MICAL3: variants seen among roughly 807,000 people sequenced by gnomAD.
The protein encoded by MICAL3 is microtubule associated monooxygenase, calponin and LIM domain containing 3.
A neutral mutation model predicts 207.4 loss-of-function variants in MICAL3; 62 were observed. The ratio of observed to expected loss-of-function variants is 0.30; its 90% CI spans 0.24 to 0.37. The LOEUF is 0.37. Among genes scored for constraint, MICAL3 ranks in the 10% least tolerant of loss-of-function variants. The probability of loss-of-function intolerance (pLI) is 1.00; values close to 1 mark genes in which losing one functional copy is unlikely to be tolerated. For missense variants in MICAL3, 2,368 were observed against 2,635.6 expected (o/e 0.90, Z 2.22); for synonymous variants, 1,077 against 1,069.3 (o/e 1.01, Z -0.14).
chr22:17,906,562 C>A lies in MICAL3; in HGVS notation c.251G>T (p.Cys84Phe). 6.2e-7 allele frequency: 1 copy of A among 1,611,436 alleles called. No individual in the cohort carries two copies. The highest frequency in any genetic ancestry group is 1.7e-5 in the Admixed American group (1 of 59,922). ...AGCAAAGCTTACCTTGGTGTTAGTGCACGCTTTTCCCTTTTTGTAGTCTTT... is the reference window on the plus strand; with the variant it reads ...AGCAAAGCTTACCTTGGTGTTAGTGAACGCTTTTCCCTTTTTGTAGTCTTT... ...SHKDYKKGKA[C>F]TNTKCLIIGA... The change falls in exon 2 of 32, where the codon TGC becomes TTC. Residue 84 changes from cysteine to phenylalanine, a missense_variant. By Grantham distance (205) the Cys-to-Phe change is radical (BLOSUM62 -2). Transcript: ENST00000441493.
chr22:17,929,551 T>A (rs2146314409), intron 1 of MICAL3, among the ~76,000 whole-genome samples: 1 of 140,620 alleles, frequency 7.1e-6, no homozygotes, highest in South Asian at 2.4e-4. Flanking sequence ...TCATTTTTCT[T>A]TCTTTCCTTT....
At chr22:17,945,230 T>G (rs967342093) in intron 1 of MICAL3, among the ~76,000 whole-genome samples, 11 of 152,154 alleles carry the variant, frequency 7.2e-5, no homozygotes, top group Non-Finnish European at 1.3e-4. Context: ...ATCCCCATAT[T>G]TCTTTCCCCA....
At chr22:17,912,562 C>A (rs1932212773) in intron 1 of MICAL3, among the ~76,000 whole-genome samples, 1 of 152,092 alleles carries the variant, frequency 6.6e-6, no homozygotes, top group African/African-American at 2.4e-5. Flanking sequence ...TTGGCTAATT[C>A]CTAAGTGTTT....
At chr22:17,896,170 G>T in intron 9 of MICAL3, 76 bp downstream of exon 9, 2 of 745,532 alleles carry the variant, frequency 2.7e-6, no homozygotes, top group Non-Finnish European at 4.6e-6. Context: ...GGAAGAACTT[G>T]CACTCTGCCT....
chr22:17,890,745 G>C (rs1930328046), intron 12 of MICAL3, among the ~76,000 whole-genome samples: 1 of 152,194 alleles, frequency 6.6e-6, no homozygotes, highest in Non-Finnish European at 1.5e-5. Context: ...ACCTAATGAT[G>C]AAAAGGACAG....
At chr22:17,911,022 G>A (rs372660536) in intron 1 of MICAL3, among the ~76,000 whole-genome samples, 46 of 93,676 alleles carry the variant, frequency 4.9e-4, no homozygotes, top group African/African-American at 2.6e-3. Flanking sequence ...GTTGGGGGCT[G>A]GGGGAGGAAG....
chr22:17,833,409 C>T (rs1923026838), intron 20 of MICAL3, among the ~76,000 whole-genome samples: 1 of 152,364 alleles, frequency 6.6e-6, no homozygotes, highest in East Asian at 1.9e-4. Context: ...GAGAGGGCAT[C>T]TGCCCTGACC....
intron 16 of MICAL3, chr22:17,881,080 G>C: frequency 3.5e-6 from 3 of 848,474 alleles, no homozygotes; most frequent in Non-Finnish European, 5.8e-6. Context: ...CGGTTTCTAC[G>C]CATAGCCTTT....
chr22:17,791,899 C>T (rs761688363), intron 29 of MICAL3, among the ~76,000 whole-genome samples: 5 of 152,216 alleles, frequency 3.3e-5, no homozygotes, highest in East Asian at 3.8e-4. Context: ...CCCGCATGGT[C>T]GATGCAGGGC....
At chr22:17,956,489 G>A (rs1462966595) in intron 1 of MICAL3, among the ~76,000 whole-genome samples, 5 of 152,198 alleles carry the variant, frequency 3.3e-5, no homozygotes, top group Non-Finnish European at 7.3e-5. Context: ...GACAAACATG[G>A]AGAAACCCCG....
At chr22:17,791,569 C>A in intron 29 of MICAL3, 1 of 529,026 alleles carries the variant, frequency 1.9e-6, no homozygotes, top group South Asian at 2.1e-5. Flanking sequence ...GGTTTCTACC[C>A]CTCCTGCTCT....
At chr22:17,914,063 C>T (rs1932315423) in intron 1 of MICAL3, among the ~76,000 whole-genome samples, 1 of 152,306 alleles carries the variant, frequency 6.6e-6, no homozygotes, top group Non-Finnish European at 1.5e-5. Flanking sequence ...CAAGGACCAA[C>T]CCACAGTAGC....
intron 1 of MICAL3, among the ~76,000 whole-genome samples, chr22:17,954,391 G>C (rs972503598): frequency 2.0e-5 from 3 of 152,022 alleles, no homozygotes; most frequent in African/African-American, 7.3e-5. Context: ...AGGAACATCA[G>C]GGGGAAGGAG....
At chr22:17,946,231 C>T (rs1934059337) in intron 1 of MICAL3, among the ~76,000 whole-genome samples, 1 of 152,174 alleles carries the variant, frequency 6.6e-6, no homozygotes, top group Non-Finnish European at 1.5e-5. Context: ...GAAGACTGCA[C>T]TTTCCCTGGC....
intron 29 of MICAL3, among the ~76,000 whole-genome samples, chr22:17,802,446 T>TACA (rs1452029193): frequency 6.6e-6 from 1 of 152,144 alleles, no homozygotes; most frequent in Non-Finnish European, 1.5e-5. Context: ...AAGCGTCTGT[T>TACA]AATTGGAATG....
chr22:17,889,660 A>G (rs559184899), intron 12 of MICAL3, among the ~76,000 whole-genome samples: 1 of 152,258 alleles, frequency 6.6e-6, no homozygotes, highest in African/African-American at 2.4e-5. Context: ...ATTAAAAATT[A>G]GCTAGGCATG....
chr22:17,844,445 C>T (rs917333397), intron 19 of MICAL3, among the ~76,000 whole-genome samples: 9 of 152,330 alleles, frequency 5.9e-5, no homozygotes, highest in Admixed American at 1.3e-4. Flanking sequence ...AGTGTTTGAA[C>T]GTCTTTGTGG....
chr22:17,893,756 G>T, intron 11 of MICAL3, 52 bp downstream of exon 11: 2 of 1,309,878 alleles, frequency 1.5e-6, no homozygotes, highest in Non-Finnish European at 1.1e-6. Context: ...AATGAGTATA[G>T]ACTTCTCTGA....
rs997497293 is a variant in MICAL3, at chr22:17,798,737, G to A, written c.5651-7436C>T. On this transcript the variant is annotated intron_variant, in intron 29 of 31. Transcript: ENST00000441493. ...CACCCAGGCTGGAGTGCAGTGGCGC[G>A]ATCTCGGCTCACTGCAAGCTCCGCC... Among the ~76,000 whole-genome samples the A allele has an allele frequency of 1.4e-4, 20 of 147,438 alleles. 2 individuals are homozygous for A. The Middle Eastern group carries it at 0.025, about 182-fold the overall frequency.
Sources: gnomAD v4.1 joint callset for allele counts (sites outside exome capture counted in the v4.1 genomes callset) on GRCh38, gnomAD v4.1.1 for gene constraint, MANE v1.5 for transcripts, NCBI Gene and HGNC (gene_info 2026-07-23, HGNC 2026-07-21) for gene names.